Variants in RECK observed in about 807,000 individuals in gnomAD.
RECK encodes the protein reversion-inducing cysteine-rich protein with Kazal motifs.
RECK carries 69 observed loss-of-function variants against 115.1 expected under a neutral mutation model. The ratio of observed to expected loss-of-function variants is 0.60; its 90% CI spans 0.49 to 0.73. RECK has a LOEUF of 0.73. Ranked by LOEUF, RECK falls within the 30% of genes least tolerant of loss-of-function variation. The probability of loss-of-function intolerance (pLI) is 0.00; values close to 1 mark genes in which losing one functional copy is unlikely to be tolerated. For synonymous variants in RECK, 414 were observed against 419.7 expected (o/e 0.99, Z 0.17); for missense variants, 1,047 against 1,203.7 (o/e 0.87, Z 1.93).
Position 36,108,105 on chromosome 9 carries a change from G to A in RECK, c.1706G>A (p.Cys569Tyr), listed in dbSNP as rs763807325. The A allele has an allele frequency of 2.5e-6, 4 of 1,614,050 alleles. No homozygotes were observed. Among genetic ancestry groups the A allele is most frequent in the Non-Finnish European group, 3.4e-6 (4 of 1,179,966 alleles). ...GGACAAAGTGGACTCTTAGAAAACT[G>A]TATGGAAATGCACTGTATAGACCTC... The part of the protein sequence containing the change: ...SCGQSGLLEN[C>Y]MEMHCIDLQK... Residue 569 changes from cysteine to tyrosine, a missense_variant, in exon 14 of 21, where the codon TGT becomes TAT. Cys to Tyr is a radical substitution (Grantham distance 194). Coordinates refer to ENST00000377966, the MANE Select transcript of RECK (RefSeq NM_021111.3).
intron 10 of RECK, among the ~76,000 whole-genome samples, chr9:36,099,253 AACAACAACAACAAC>A (rs1588326504): frequency 6.6e-6 from 1 of 151,764 alleles, no homozygotes; most frequent in East Asian, 1.9e-4. Flanking sequence ...CAACAACAAC[AACAACAACAACAAC>A]AACAGTGGAG....
intron 17 of RECK, 77 bp downstream of exon 17, chr9:36,117,254 G>T: frequency 8.3e-7 from 1 of 1,200,062 alleles, no homozygotes; most frequent in East Asian, 2.6e-5. Flanking sequence ...TGAATCAACA[G>T]TAAGACCAGC....
chr9:36,046,404 C>T (rs1162508098), intron 1 of RECK, among the ~76,000 whole-genome samples: 1 of 152,156 alleles, frequency 6.6e-6, no homozygotes, highest in Non-Finnish European at 1.5e-5. Context: ...TATTTGTAGA[C>T]ATTTATTTCT....
chr9:36,045,237 G>A (rs1821026682), intron 1 of RECK, among the ~76,000 whole-genome samples: 2 of 152,090 alleles, frequency 1.3e-5, no homozygotes, highest in South Asian at 4.1e-4. Flanking sequence ...ATACCCACGT[G>A]TATATTTTTA....
At chr9:36,075,631 T>C (rs950466075) in intron 6 of RECK, among the ~76,000 whole-genome samples, 1 of 152,206 alleles carries the variant, frequency 6.6e-6, no homozygotes, top group African/African-American at 2.4e-5. Context: ...AACAGTTATA[T>C]TTAACCTCTC....
intron 1 of RECK, among the ~76,000 whole-genome samples, chr9:36,038,305 A>G (rs1158313444): frequency 6.6e-6 from 1 of 152,170 alleles, no homozygotes; most frequent in Non-Finnish European, 1.5e-5. Context: ...AAAAAAAATC[A>G]AAGTCAGTTC....
At chr9:36,046,701 A>T (rs1425103547) in intron 1 of RECK, among the ~76,000 whole-genome samples, 1 of 152,232 alleles carries the variant, frequency 6.6e-6, no homozygotes, top group African/African-American at 2.4e-5. Context: ...TTTTGGAAAG[A>T]CTAGAAGGAA....
Position 36,065,843 on chromosome 9 carries a change from A to C in RECK, c.405+219A>C, listed in dbSNP as rs190237825. Among the ~76,000 whole-genome samples, 59 of 152,306 alleles carry C rather than the reference A, an allele frequency of 3.9e-4. 1 individual carries two copies. In the East Asian group the frequency reaches 4.2e-3, roughly 11 times the overall value. ...GTATTAATTTTAAAGAAATGCCTAA[A>C]TCTCACATACAAAGGATTTAACCTA... On this transcript the variant is annotated intron_variant, in intron 6 of 20. Transcript: ENST00000377966.
chr9:36,046,021 T>C (rs1456763446), intron 1 of RECK, among the ~76,000 whole-genome samples: 1 of 152,226 alleles, frequency 6.6e-6, no homozygotes, highest in African/African-American at 2.4e-5. Context: ...ACGACACTCA[T>C]ACTGATGTCT....
chr9:36,052,054 G>A (rs1821326262), intron 1 of RECK, among the ~76,000 whole-genome samples: 1 of 152,120 alleles, frequency 6.6e-6, no homozygotes, highest in African/African-American at 2.4e-5. Flanking sequence ...TCCCCTATTA[G>A]ACTGCAAGCT....
Position 36,122,830 on chromosome 9 carries a change from GC to G in RECK, c.2703del (p.Cys902AlafsTer97). 6.2e-7 allele frequency: 1 copy of G among 1,613,734 alleles called. No homozygotes were observed. Among genetic ancestry groups the G allele is most frequent in the Non-Finnish European group, 8.5e-7 (1 of 1,179,682 alleles). ...ACCTTGTTTCTCCTCACAGATTGAA[GC>G]CTGCAATAAAGAAGCAGAGAAGATT... The part of the protein sequence containing the change: ...DHYPKALQIE[A>X]CNKEAEKIES... On this transcript the variant is annotated frameshift_variant, in exon 21 of 21. Coordinates refer to ENST00000377966, the MANE Select transcript of RECK (RefSeq NM_021111.3). LOFTEE classifies it high-confidence loss of function.
In RECK at chr9:36,091,206, A is replaced by G; in HGVS notation, c.948A>G (p.Thr316=). 2 of 1,614,118 alleles carry G rather than the reference A, an allele frequency of 1.2e-6. No homozygotes were observed. Among genetic ancestry groups the G allele is most frequent in the South Asian group, 2.2e-5 (2 of 91,082 alleles). The change falls in exon 10 of 21, where the codon ACA becomes ACG. Residue 316 remains threonine, a synonymous_variant. Coordinates refer to ENST00000377966, the MANE Select transcript of RECK (RefSeq NM_021111.3). ...TTTACAGCATGAGCTGGGGCAATAC[A>G]CAGAGTTGGCAAGAGTTTGATCGCT... ...TKLYSMSWGN[T]QSWQEFDRFC...
chr9:36,072,808 T>G (rs1822283104), intron 6 of RECK: 1 of 152,176 alleles, frequency 6.6e-6, no homozygotes. Flanking sequence ...TGTTTTGTAG[T>G]TGGGGGAAGG....
chr9:36,076,437 G>A (rs151194042), intron 6 of RECK, among the ~76,000 whole-genome samples: 1 of 152,290 alleles, frequency 6.6e-6, no homozygotes, highest in African/African-American at 2.4e-5. Context: ...GTGGCATGAA[G>A]GATCACATAG....
At chr9:36,112,538 T>G in intron 16 of RECK, 62 bp downstream of exon 16, 1 of 1,502,884 alleles carries the variant, frequency 6.7e-7, no homozygotes, top group Non-Finnish European at 9.2e-7. Flanking sequence ...GCATCTACCA[T>G]ATACCAGACA....
At chr9:36,100,575 C>T in intron 11 of RECK, 32 bp downstream of exon 11, 1 of 1,539,640 alleles carries the variant, frequency 6.5e-7, no homozygotes, top group South Asian at 1.1e-5. Flanking sequence ...GATTCTCCAG[C>T]TTTAGTTCAG....
At chr9:36,105,961 C>T (rs935408878) in intron 13 of RECK, among the ~76,000 whole-genome samples, 4 of 152,076 alleles carry the variant, frequency 2.6e-5, no homozygotes, top group African/African-American at 7.2e-5. Context: ...CGCCTGTAAT[C>T]GCAGCACTTT....
intron 17 of RECK, 63 bp from the exon 18 acceptor site, chr9:36,118,694 C>T (rs1371148378): frequency 6.7e-7 from 1 of 1,499,628 alleles, no homozygotes; most frequent in Admixed American, 1.7e-5. Flanking sequence ...ATGCTGTGTA[C>T]TCTTGGTTGG....
In RECK at chr9:36,084,746, A is replaced by G. The variant is rs150790133; in HGVS notation, c.637+1184A>G. Among the ~76,000 whole-genome samples the G allele has an allele frequency of 6.1e-3, 925 of 151,306 alleles. 8 individuals are homozygous for G. The highest frequency in any genetic ancestry group is 0.02 in the African/African-American group (815 of 41,014). On this transcript the variant is annotated intron_variant, in intron 8 of 20. Coordinates refer to ENST00000377966, the MANE Select transcript of RECK (RefSeq NM_021111.3). ...GGAGGAAGGGAGGGAGGGAGGGAGG[A>G]AGGAAGGAAGGTAGGCCCGTCCGAG... is the stretch of plus-strand genomic sequence containing the variant.
Sources: gnomAD v4.1 joint callset for allele counts (sites outside exome capture counted in the v4.1 genomes callset) on GRCh38, gnomAD v4.1.1 for gene constraint, MANE v1.5 for transcripts, NCBI Gene and HGNC (gene_info 2026-07-23, HGNC 2026-07-21) for gene names.